Variants in MALT1 observed in about 807,000 individuals in gnomAD.
MALT1 encodes mucosa-associated lymphoid tissue lymphoma translocation protein 1.
Under a neutral mutation model 85.5 loss-of-function variants are expected in MALT1, and 36 were observed. That is an observed-to-expected ratio of 0.42 (90% CI 0.32 to 0.56). The LOEUF is 0.56. MALT1 is among the 20% of genes least tolerant of loss of function. The probability of loss-of-function intolerance (pLI) is 0.10; values close to 1 mark genes in which losing one functional copy is unlikely to be tolerated. For synonymous variants in MALT1, 359 were observed against 361.3 expected (o/e 0.99, Z 0.07); for missense variants, 716 against 981.6 (o/e 0.73, Z 3.62).
intron 10 of MALT1, among the ~76,000 whole-genome samples, chr18:58,732,018 G>A (rs2055157978): frequency 6.6e-6 from 1 of 152,118 alleles, no homozygotes; most frequent in Admixed American, 6.5e-5. Flanking sequence ...AGACGACCTG[G>A]ATTTTGTCCT....
chr18:58,684,181 G>A (rs1249445097), intron 2 of MALT1, among the ~76,000 whole-genome samples: 2 of 152,102 alleles, frequency 1.3e-5, no homozygotes, highest in Admixed American at 6.5e-5. Flanking sequence ...CAGTCCACCT[G>A]CCCTGGCCTC....
chr18:58,730,911 T>G (rs1449573104), intron 10 of MALT1, among the ~76,000 whole-genome samples: 1 of 151,396 alleles, frequency 6.6e-6, no homozygotes, highest in East Asian at 1.9e-4. Context: ...ATATCCTCTT[T>G]GGAGAAGCAT....
intron 10 of MALT1, among the ~76,000 whole-genome samples, chr18:58,727,628 G>GTTTTTTTTTTT (rs74183292): frequency 7.3e-4 from 96 of 130,636 alleles, no homozygotes; most frequent in African/African-American, 2.8e-3. Flanking sequence ...TTTTTTTTTT[G>GTTTTTTTTTTT]TTTTTTTTTT....
In MALT1 at chr18:58,754,454, T is replaced by C. The variant is rs1223274237; in HGVS notation, c.*6612T>C. ...GGAAATTGTTAATATTTTAAAAATA[T>C]TTTCCTAAGCTTTAGCTTTACCACT... On this transcript the variant is annotated 3_prime_UTR_variant, in exon 17 of 17. Transcript: ENST00000649217. The C allele has an allele frequency of 6.6e-6, 1 of 152,190 alleles. No individual in the cohort carries two copies. The highest frequency in any genetic ancestry group is 1.5e-5 in the Non-Finnish European group (1 of 68,044). The allele number at this position is 152,190 out of a possible 1,614,324, so 9.4% of individuals were successfully genotyped here.
At chr18:58,709,768 A>C (rs4293480) in intron 5 of MALT1, among the ~76,000 whole-genome samples, 3 of 152,122 alleles carry the variant, frequency 2.0e-5, no homozygotes, top group South Asian at 4.1e-4. Context: ...TAAAATGTCA[A>C]ATAGTATTGC....
chr18:58,681,890 A>C (rs915761961), intron 2 of MALT1, among the ~76,000 whole-genome samples: 7 of 152,150 alleles, frequency 4.6e-5, no homozygotes, highest in African/African-American at 1.7e-4. Flanking sequence ...ACATCAGGCG[A>C]GGCTTAGGAA....
Position 58,733,827 on chromosome 18 carries a change from A to C in MALT1, c.1400+253A>C, listed in dbSNP as rs1343751682. The C allele has an allele frequency of 5.4e-6, 6 of 1,117,810 alleles. No homozygotes were observed. The South Asian group carries it at 1.4e-4, about 27-fold the overall frequency. 69.2% of individuals were successfully genotyped at this position (1,117,810 alleles called of 1,614,324 possible). On this transcript the variant is annotated intron_variant, in intron 11 of 16. Coordinates refer to ENST00000649217, the MANE Select transcript of MALT1 (RefSeq NM_006785.4). ...CATTTACTCACACTACAGGGGATTC[A>C]ACTCTCCAGAATGCCTTTAGATGAC...
At chr18:58,704,380 A>C (rs2054715730) in intron 4 of MALT1, among the ~76,000 whole-genome samples, 1 of 152,340 alleles carries the variant, frequency 6.6e-6, no homozygotes, top group African/African-American at 2.4e-5. Context: ...GGTCATTATG[A>C]AATGCTCCTT....
rs2054809764 is a variant in MALT1 at position 58,710,000 on chromosome 18, C to G, written c.853C>G (p.Gln285Glu). The change falls in exon 6 of 17, where the codon CAA becomes GAA. Residue 285 changes from glutamine to glutamate, a missense_variant. Gln to Glu is a conservative substitution (Grantham distance 29). This residue lies in a region of MALT1 where 290 missense variants were observed against 380.5 expected (regional missense o/e 0.76). Transcript: ENST00000649217. ...YMVPYVDLEH[Q>E]GTYWCHVYND... ...GGTGCCTTATGTGGATTTGGAACAC[C>G]AAGGAACCTACTGGTGTCATGTATA... 1 of 1,610,670 alleles carries G rather than the reference C, an allele frequency of 6.2e-7. No homozygotes were observed. Among genetic ancestry groups the G allele is most frequent in the Non-Finnish European group, 8.5e-7 (1 of 1,177,914 alleles).
Position 58,681,260 on chromosome 18 carries a change from T to A in MALT1, c.300T>A (p.Gly100=). 6.2e-7 allele frequency: 1 copy of A among 1,614,112 alleles called. No individual in the cohort carries two copies. The highest frequency in any genetic ancestry group is 8.5e-7 in the Non-Finnish European group (1 of 1,179,982). ...LCLLKLMGEK[G]CTVTELSDFL... ...TGCTGAAGTTAATGGGTGAAAAAGGTTGCACAGTCACAGAATTGAGTGATT... is the reference window on the plus strand; with the variant it reads ...TGCTGAAGTTAATGGGTGAAAAAGGATGCACAGTCACAGAATTGAGTGATT... Residue 100 remains glycine, a synonymous_variant, in exon 2 of 17, where the codon GGT becomes GGA. Transcript: ENST00000649217.
chr18:58,704,547 C>A (rs971762250), intron 4 of MALT1, among the ~76,000 whole-genome samples: 8 of 152,194 alleles, frequency 5.3e-5, no homozygotes, highest in African/African-American at 1.9e-4. Flanking sequence ...ACCTCTGCCT[C>A]CCAGGCTCAA....
chr18:58,698,121 C>T (rs1243907888), intron 3 of MALT1, among the ~76,000 whole-genome samples: 2 of 141,982 alleles, frequency 1.4e-5, no homozygotes, highest in Non-Finnish European at 3.0e-5. Context: ...GGCTGGAGTG[C>T]AGTGGCGCGA....
rs2055484565 is a variant in MALT1 at position 58,754,375 on chromosome 18, G to A, written c.*6533G>A. On this transcript the variant is annotated 3_prime_UTR_variant, in exon 17 of 17. Transcript: ENST00000649217. Reference sequence around the variant, plus strand: ...CATTGAAAACATTTCCAAAGGATTTGACCTGAAGTTAATGTTGCTACATTA... The same window carrying A: ...CATTGAAAACATTTCCAAAGGATTTAACCTGAAGTTAATGTTGCTACATTA... 1 of 152,182 alleles carries A rather than the reference G, an allele frequency of 6.6e-6. No homozygotes were observed. Among genetic ancestry groups the A allele is most frequent in the Non-Finnish European group, 1.5e-5 (1 of 68,040 alleles). 9.4% of individuals were successfully genotyped at this position (152,182 alleles called of 1,614,324 possible). A position where few individuals can be genotyped will look rare whatever the true frequency, so the allele number is the denominator to read the frequency against.
chr18:58,733,339 A>G (rs1228584320), intron 10 of MALT1, 58 bp from the exon 11 acceptor site: 1 of 1,129,904 alleles, frequency 8.9e-7, no homozygotes, highest in East Asian at 2.4e-5. Context: ...TGCAGTCTGT[A>G]TGTTCAGAGT....
Position 58,741,970 on chromosome 18 carries a change from C to T in MALT1, c.1709C>T (p.Ser570Phe). ...LTDPIQGTEY[S>F]AESLVRNLQW... is the part of the protein sequence containing the mutation. ...GATCCAATACAGGGAACAGAATATT[C>T]TGCTGAATCTCTTGTGCGGAATCTA... The change falls in exon 14 of 17, where the codon TCT (serine) becomes TTT (phenylalanine). Residue 570 changes from serine to phenylalanine, a missense_variant. By Grantham distance (155) the Ser-to-Phe change is radical (BLOSUM62 -2). Transcript: ENST00000649217. 1 of 1,553,720 alleles carries T rather than the reference C, an allele frequency of 6.4e-7. No individual in the cohort carries two copies. The highest frequency in any genetic ancestry group is 8.8e-7 in the Non-Finnish European group (1 of 1,136,690).
chr18:58,744,323 A>G lies in MALT1; in HGVS notation c.1754-15A>G. 4 of 1,580,904 alleles carry G rather than the reference A, an allele frequency of 2.5e-6. No individual in the cohort carries two copies. Among genetic ancestry groups the G allele is most frequent in the East Asian group, 4.5e-5 (2 of 44,028 alleles). ...CAGAAAACCTACCAAAGTTGTTCTTATTGTTCTTTTTCAGAACTTCCAGAA... is the reference window on the plus strand; with the variant it reads ...CAGAAAACCTACCAAAGTTGTTCTTGTTGTTCTTTTTCAGAACTTCCAGAA... On this transcript the variant is annotated splice_polypyrimidine_tract_variant and intron_variant, in intron 14 of 16. Coordinates refer to ENST00000649217, the MANE Select transcript of MALT1 (RefSeq NM_006785.4).
At chr18:58,725,363 G>A (rs922573573) in intron 10 of MALT1, among the ~76,000 whole-genome samples, 1 of 151,992 alleles carries the variant, frequency 6.6e-6, no homozygotes, top group Non-Finnish European at 1.5e-5. Context: ...TGAGTTTCAT[G>A]TTTAGACTTG....
chr18:58,722,960 G>A (rs1364422366), intron 9 of MALT1, 88 bp from the exon 10 acceptor site: 26 of 813,604 alleles, frequency 3.2e-5, no homozygotes, highest in Non-Finnish European at 4.5e-5. Context: ...CAATCTTAAA[G>A]CATACTTTTT....
rs2055390841 is a variant in MALT1, at chr18:58,747,797, A to C, written c.2430A>C (p.Glu810Asp). ...ATGTGCCAGTAGAGACAACTGATGAAATACCATTTAGTTTCTCTGACAGGC... is the reference window on the plus strand; with the variant it reads ...ATGTGCCAGTAGAGACAACTGATGACATACCATTTAGTTTCTCTGACAGGC... ...RSNVPVETTD[E>D]IPFSFSDRLR... The change falls in exon 17 of 17, where the codon GAA (glutamate) becomes GAC (aspartate). Residue 810 changes from glutamate to aspartate, a missense_variant. Physicochemically the swap from Glu to Asp is conservative, Grantham distance 45. Coordinates refer to ENST00000649217, the MANE Select transcript of MALT1 (RefSeq NM_006785.4). 1 of 1,613,974 alleles carries C rather than the reference A, an allele frequency of 6.2e-7. No individual in the cohort carries two copies. Among genetic ancestry groups the C allele is most frequent in the Admixed American group, 1.7e-5 (1 of 59,994 alleles).
Sources: allele counts gnomAD v4.1 joint callset (sites outside exome capture counted in the v4.1 genomes callset), GRCh38; gene constraint gnomAD v4.1.1; regional missense constraint gnomAD v4.1.1; transcripts MANE v1.5; gene names NCBI Gene and HGNC (gene_info 2026-07-23, HGNC 2026-07-21).